The following NTRK2 variants were observed in gnomAD, a reference collection of about 807,000 sequenced individuals.
NTRK2 encodes neurotrophic receptor tyrosine kinase 2, also known as BDNF/NT-3 growth factors receptor.
NTRK2 carries 13 observed loss-of-function variants against 94.5 expected under a neutral mutation model. That is an observed-to-expected ratio of 0.14 (90% confidence interval 0.09 to 0.22). The LOEUF (loss-of-function observed/expected upper bound fraction) is 0.22, where lower values mean the gene tolerates loss of function less well. Ranked by LOEUF, NTRK2 falls within the 10% of genes least tolerant of loss-of-function variation. NTRK2 has a pLI of 1.00. For missense variants in NTRK2, 639 were observed against 1,071.2 expected (o/e 0.60, Z 5.63); for synonymous variants, 372 against 407.4 (o/e 0.91, Z 1.05).
intron 17 of NTRK2, among the ~76,000 whole-genome samples, chr9:84,997,160 G>C (rs1829845843): frequency 6.6e-6 from 1 of 152,296 alleles, no homozygotes; most frequent in South Asian, 2.1e-4. Context: ...AGGATTTATA[G>C]GGAAGAGCTG....
chr9:84,906,027 T>C (rs1477901916), intron 14 of NTRK2, among the ~76,000 whole-genome samples: 1 of 152,112 alleles, frequency 6.6e-6, no homozygotes, highest in Non-Finnish European at 1.5e-5. Flanking sequence ...ATACTTTGCA[T>C]GTGTGAAGCA....
At chr9:84,744,744 A>G (rs115811253) in intron 10 of NTRK2, among the ~76,000 whole-genome samples, 3 of 152,152 alleles carry the variant, frequency 2.0e-5, no homozygotes, top group African/African-American at 7.2e-5. Flanking sequence ...GACCAACAAG[A>G]CAATGATGTA....
At chr9:84,985,935 G>A (rs1282418379) in intron 17 of NTRK2, among the ~76,000 whole-genome samples, 2 of 152,148 alleles carry the variant, frequency 1.3e-5, no homozygotes, top group Non-Finnish European at 2.9e-5. Flanking sequence ...GAAGGGGCAA[G>A]GAACACTAAG....
At chr9:84,768,542 C>T (rs1276324969) in intron 12 of NTRK2, among the ~76,000 whole-genome samples, 1 of 152,112 alleles carries the variant, frequency 6.6e-6, no homozygotes, top group South Asian at 2.1e-4. Flanking sequence ...ACTTATTATT[C>T]ACTTATTTAA....
intron 2 of NTRK2, among the ~76,000 whole-genome samples, chr9:84,682,649 C>T (rs900666427): frequency 5.9e-5 from 9 of 152,164 alleles, no homozygotes; most frequent in African/African-American, 1.7e-4. Context: ...TCTAAAATCC[C>T]TCAGCTCCCC....
chr9:84,817,323 G>T (rs567493804), intron 12 of NTRK2, among the ~76,000 whole-genome samples: 2 of 152,334 alleles, frequency 1.3e-5, no homozygotes, highest in Non-Finnish European at 2.9e-5. Context: ...GTCATCCTGG[G>T]TGTGGCCCAA....
intron 13 of NTRK2, 61 bp from the exon 14 acceptor site, chr9:84,867,182 T>C: frequency 6.5e-7 from 1 of 1,532,182 alleles, no homozygotes; most frequent in African/African-American, 1.4e-5. Context: ...TTTATGTATG[T>C]GAATTACAGC....
At chr9:84,715,608 T>C (rs558191423) in intron 6 of NTRK2, among the ~76,000 whole-genome samples, 1 of 152,240 alleles carries the variant, frequency 6.6e-6, no homozygotes, top group East Asian at 1.9e-4. Flanking sequence ...TCCACATTAA[T>C]TGGAATAGAG....
At position 84,815,990 on chromosome 9, in the gene NTRK2, TAA is replaced by T. The variant is rs34917078; in HGVS notation, c.1397-45034_1397-45033del. On this transcript the variant is annotated intron_variant, in intron 12 of 18. Coordinates refer to ENST00000277120, the MANE Select transcript of NTRK2 (RefSeq NM_006180.6). ...TTTTATTTGGCTAAAAGGCAATCCT[TAA>T]AAAAAAAAAAAAAAACTTATGCGAA... 1.9e-3 allele frequency among the ~76,000 whole-genome samples: 258 copies of T among 139,144 alleles called. 1 individual carries two copies. Among genetic ancestry groups the T allele is most frequent in the African/African-American group, 3.9e-3 (140 of 35,776 alleles). 91.3% of individuals were successfully genotyped at this position (139,144 alleles called of 152,430 possible).
intron 12 of NTRK2, among the ~76,000 whole-genome samples, chr9:84,801,146 G>A (rs1236593975): frequency 6.6e-6 from 1 of 152,190 alleles, no homozygotes; most frequent in South Asian, 2.1e-4. Flanking sequence ...ATCAGAACCT[G>A]TTAGATTTTT....
At chr9:84,713,816 C>A (rs2061550587) in intron 6 of NTRK2, among the ~76,000 whole-genome samples, 1 of 150,930 alleles carries the variant, frequency 6.6e-6, no homozygotes, top group Non-Finnish European at 1.5e-5. Flanking sequence ...TTTTTCCCCT[C>A]TAGAGGTTTT....
chr9:84,731,977 G>C (rs2062924307), intron 9 of NTRK2, among the ~76,000 whole-genome samples: 1 of 152,102 alleles, frequency 6.6e-6, no homozygotes, highest in African/African-American at 2.4e-5. Flanking sequence ...TGGTAGCCTG[G>C]CTAGTAACTG....
intron 17 of NTRK2, among the ~76,000 whole-genome samples, chr9:84,970,803 T>C (rs1292228371): frequency 6.6e-6 from 1 of 152,392 alleles, no homozygotes; most frequent in Non-Finnish European, 1.5e-5. Flanking sequence ...AAAGAACCCA[T>C]ACTTGCTTCT....
chr9:84,961,398 C>T (rs1029322215), intron 17 of NTRK2, among the ~76,000 whole-genome samples: 2 of 152,158 alleles, frequency 1.3e-5, no homozygotes, highest in African/African-American at 4.8e-5. Context: ...ATGAAATCAT[C>T]TTCAATTAAT....
intron 17 of NTRK2, among the ~76,000 whole-genome samples, chr9:85,005,557 A>G (rs1830862613): frequency 6.6e-6 from 1 of 152,220 alleles, no homozygotes; most frequent in South Asian, 2.1e-4. Flanking sequence ...AGATATAAAT[A>G]TAGATGTAGA....
chr9:84,993,231 GCGT>G (rs1829318501), intron 17 of NTRK2, among the ~76,000 whole-genome samples: 1 of 152,044 alleles, frequency 6.6e-6, no homozygotes, highest in Non-Finnish European at 1.5e-5. Flanking sequence ...TATTCTCCAG[GCGT>G]CAGTGACCAC....
At chr9:84,746,254 T>C (rs900262823) in intron 11 of NTRK2, among the ~76,000 whole-genome samples, 2 of 152,168 alleles carry the variant, frequency 1.3e-5, no homozygotes, top group African/African-American at 4.8e-5. Flanking sequence ...ATGAACAGAG[T>C]GTTACTGGAA....
chr9:84,878,653 T>G (rs1349990185), intron 14 of NTRK2, among the ~76,000 whole-genome samples: 1 of 151,058 alleles, frequency 6.6e-6, no homozygotes, highest in Non-Finnish European at 1.5e-5. Context: ...AAAAAAATTC[T>G]GATATTTTTT....
chr9:84,854,974 A>T (rs1410275749), intron 12 of NTRK2, among the ~76,000 whole-genome samples: 2 of 130,358 alleles, frequency 1.5e-5, no homozygotes, highest in Non-Finnish European at 3.2e-5. Flanking sequence ...AAAAAAAAAA[A>T]GCTTGAGAAG....
Sources: gnomAD v4.1 joint callset for allele counts (sites outside exome capture counted in the v4.1 genomes callset) on GRCh38, gnomAD v4.1.1 for gene constraint, MANE v1.5 for transcripts, NCBI Gene and HGNC (gene_info 2026-07-23, HGNC 2026-07-21) for gene names.